Variants in RSU1 observed in about 807,000 individuals in gnomAD.
RSU1 encodes the protein rsu-1.
In RSU1, 26 loss-of-function variants were observed where a neutral mutation model predicts 31.1. That is an observed-to-expected ratio of 0.84 (90% CI 0.61 to 1.16). RSU1 has a LOEUF of 1.16. Ranked by LOEUF, RSU1 falls within the 50% of genes most tolerant of loss-of-function variation. The probability of loss-of-function intolerance (pLI) is 0.00; values close to 1 mark genes in which losing one functional copy is unlikely to be tolerated. For synonymous variants in RSU1, 164 were observed against 136.3 expected (o/e 1.20, Z -1.41); for missense variants, 320 against 339.1 (o/e 0.94, Z 0.44).
At chr10:16,660,630 T>C (rs992721071) in intron 8 of RSU1, among the ~76,000 whole-genome samples, 1 of 149,948 alleles carries the variant, frequency 6.7e-6, no homozygotes, top group African/African-American at 2.5e-5. Flanking sequence ...TCCAGTTCAT[T>C]TATTCTTGAA....
chr10:16,691,021 T>C (rs1427553944), intron 8 of RSU1, among the ~76,000 whole-genome samples: 1 of 151,946 alleles, frequency 6.6e-6, no homozygotes, highest in East Asian at 1.9e-4. Flanking sequence ...GAAGTGAAAA[T>C]TAGGAACTAT....
At chr10:16,708,827 A>T (rs1835959213) in intron 7 of RSU1, among the ~76,000 whole-genome samples, 1 of 150,492 alleles carries the variant, frequency 6.6e-6, no homozygotes, top group African/African-American at 2.4e-5. Context: ...TTTTTTTTTT[A>T]AGCTATCGTA....
chr10:16,638,180 G>A (rs536720597), intron 8 of RSU1, among the ~76,000 whole-genome samples: 7 of 152,264 alleles, frequency 4.6e-5, no homozygotes, highest in South Asian at 4.1e-4. Flanking sequence ...GGGTTCTATG[G>A]TCAATTAAGT....
Position 16,634,844 on chromosome 10 carries a change from G to A in RSU1, c.732-41348C>T, listed in dbSNP as rs576562542. ...CTGTGGCTAAGTAGAAACGACAGAA[G>A]CTGACTTTCTATAGTGATAGAAATT... On this transcript the variant is annotated intron_variant, in intron 8 of 8. Coordinates refer to ENST00000345264, the MANE Select transcript of RSU1 (RefSeq NM_012425.4). Among the ~76,000 whole-genome samples, 6 of 152,324 alleles carry A rather than the reference G, an allele frequency of 3.9e-5. No homozygotes were observed. The East Asian group carries it at 1.2e-3, about 29-fold the overall frequency.
chr10:16,672,397 A>G (rs994934042), intron 8 of RSU1, among the ~76,000 whole-genome samples: 1 of 152,206 alleles, frequency 6.6e-6, no homozygotes. Flanking sequence ...CACATGTTCA[A>G]CAAAAGACTT....
At chr10:16,640,449 A>C (rs937832951) in intron 8 of RSU1, among the ~76,000 whole-genome samples, 7 of 152,192 alleles carry the variant, frequency 4.6e-5, no homozygotes, top group African/African-American at 1.7e-4. Context: ...AGTCTAAAGC[A>C]ATCTTTTCAA....
intron 4 of RSU1, among the ~76,000 whole-genome samples, chr10:16,761,260 C>T (rs1302301692): frequency 6.6e-6 from 1 of 152,190 alleles, no homozygotes; most frequent in Admixed American, 6.5e-5. Flanking sequence ...CTTTATTTAG[C>T]ACAGAGTGCT....
At chr10:16,752,487 A>G (rs1564344240) in intron 7 of RSU1, 52 bp downstream of exon 7, 3 of 1,336,284 alleles carry the variant, frequency 2.2e-6, no homozygotes, top group South Asian at 2.4e-5. Flanking sequence ...CTACATTAGG[A>G]TAATTGTTAT....
intron 2 of RSU1, among the ~76,000 whole-genome samples, chr10:16,804,136 C>A (rs1279582598): frequency 6.6e-6 from 1 of 152,056 alleles, no homozygotes; most frequent in Non-Finnish European, 1.5e-5. Flanking sequence ...GGAACACCAA[C>A]CCAATTAAAA....
chr10:16,675,223 A>AAAG (rs1835206275), intron 8 of RSU1, among the ~76,000 whole-genome samples: 1 of 150,948 alleles, frequency 6.6e-6, no homozygotes, highest in Non-Finnish European at 1.5e-5. Context: ...AAAAAGAAAG[A>AAAG]AAAAAAAGTG....
intron 7 of RSU1, among the ~76,000 whole-genome samples, chr10:16,696,917 A>T (rs888369419): frequency 6.6e-6 from 1 of 152,076 alleles, no homozygotes; most frequent in Non-Finnish European, 1.5e-5. Context: ...ACATTTCTCT[A>T]TAATTCTTAT....
intron 7 of RSU1, 49 bp downstream of exon 7, chr10:16,752,490 A>C (rs184253969): frequency 7.3e-7 from 1 of 1,368,412 alleles, no homozygotes; most frequent in Non-Finnish European, 1.0e-6. Flanking sequence ...CATTAGGATA[A>C]TTGTTATTCA....
intron 8 of RSU1, among the ~76,000 whole-genome samples, chr10:16,693,204 T>C (rs1368642508): frequency 6.6e-6 from 1 of 152,204 alleles, no homozygotes; most frequent in Non-Finnish European, 1.5e-5. Flanking sequence ...CCACCCGCCT[T>C]GCCTTCCCAA....
rs528264260 is a variant in RSU1 at position 16,773,510 on chromosome 10, C to T, written c.160+8524G>A. Reference sequence around the variant, plus strand: ...CCATGGAGCTCCTACACTGACCTAACGGGACGTCAAGTGCACACACAGATC... The same window carrying T: ...CCATGGAGCTCCTACACTGACCTAATGGGACGTCAAGTGCACACACAGATC... On this transcript the variant is annotated intron_variant, in intron 3 of 8. Transcript: ENST00000345264. Among the ~76,000 whole-genome samples the T allele has an allele frequency of 7.2e-5, 11 of 152,320 alleles. No individual in the cohort carries two copies. The South Asian group carries it at 1.4e-3, about 20-fold the overall frequency.
chr10:16,594,303 G>T (rs963817823), intron 8 of RSU1, among the ~76,000 whole-genome samples: 2 of 152,182 alleles, frequency 1.3e-5, no homozygotes, highest in African/African-American at 4.8e-5. Flanking sequence ...TTGGCACAGA[G>T]CCTGACGTCC....
In RSU1 at chr10:16,593,414, G is replaced by A; in HGVS notation, c.814C>T (p.Leu272=). 1.9e-6 allele frequency: 3 copies of A among 1,614,154 alleles called. No individual in the cohort carries two copies. Among genetic ancestry groups the A allele is most frequent in the Non-Finnish European group, 2.5e-6 (3 of 1,180,006 alleles). The change falls in exon 9 of 9, where the codon CTG becomes TTG. Residue 272 remains leucine, a synonymous_variant. Transcript: ENST00000345264. The part of the protein sequence containing the change: ...DKSKKISRKP[L]AAKNR ...CTTCCTTATCTGTTCTTGGCTGCCA[G>A]GGGTTTCCGGCTGATCTTTTTCGAT...
At chr10:16,738,560 C>T (rs955736627) in intron 7 of RSU1, among the ~76,000 whole-genome samples, 10 of 151,894 alleles carry the variant, frequency 6.6e-5, no homozygotes, top group Admixed American at 5.3e-4. Flanking sequence ...CATTGAAATA[C>T]AAAACAAAGA....
At chr10:16,723,540 C>G (rs539185286) in intron 7 of RSU1, among the ~76,000 whole-genome samples, 1 of 152,294 alleles carries the variant, frequency 6.6e-6, no homozygotes, top group African/African-American at 2.4e-5. Context: ...AGCTCATACT[C>G]AAAGGCAGTA....
intron 3 of RSU1, among the ~76,000 whole-genome samples, chr10:16,772,251 A>G (rs1837437081): frequency 6.6e-6 from 1 of 152,258 alleles, no homozygotes; most frequent in Non-Finnish European, 1.5e-5. Flanking sequence ...TTCCTGAGCT[A>G]TAAAAAGTAT....
Sources: gnomAD v4.1 joint callset for allele counts (sites outside exome capture counted in the v4.1 genomes callset) on GRCh38, gnomAD v4.1.1 for gene constraint, MANE v1.5 for transcripts, NCBI Gene and HGNC (gene_info 2026-07-23, HGNC 2026-07-21) for gene names.